The following MSRA variants were observed in gnomAD, a reference collection of about 807,000 sequenced individuals.
The protein encoded by MSRA is mitochondrial peptide methionine sulfoxide reductase.
In MSRA, 54 loss-of-function variants were observed where a neutral mutation model predicts 31.3. The observed-to-expected ratio is 1.73, with a 90% CI of 1.39 to 2.17. The LOEUF (loss-of-function observed/expected upper bound fraction) is 2.17, where lower values mean the gene tolerates loss of function less well. MSRA is among the 30% of genes most tolerant of loss of function. The probability of loss-of-function intolerance (pLI) is 0.00; values close to 1 mark genes in which losing one functional copy is unlikely to be tolerated. For synonymous variants in MSRA, 169 were observed against 116.5 expected, an observed-to-expected ratio of 1.45 and a Z score of -2.90; for missense variants, 507 against 300.9, an observed-to-expected ratio of 1.69 and a Z score of -5.07.
chr8:10,372,543 C>G (rs1413876076), intron 5 of MSRA, among the ~76,000 whole-genome samples: 5 of 152,198 alleles, frequency 3.3e-5, no homozygotes, highest in Admixed American at 1.3e-4. Flanking sequence ...TTTACAACCA[C>G]TGTGTTCCTA....
chr8:10,183,228 G>A (rs1424749488), intron 1 of MSRA, among the ~76,000 whole-genome samples: 1 of 152,118 alleles, frequency 6.6e-6, no homozygotes, highest in Non-Finnish European at 1.5e-5. Flanking sequence ...TGTCATTTTA[G>A]GCCATTGTCA....
intron 2 of MSRA, among the ~76,000 whole-genome samples, chr8:10,225,091 C>G (rs980447770): frequency 6.6e-6 from 1 of 152,142 alleles, no homozygotes; most frequent in Non-Finnish European, 1.5e-5. Context: ...GAGCCGAGAT[C>G]GCATCACTGC....
intron 1 of MSRA, among the ~76,000 whole-genome samples, chr8:10,193,783 G>A (rs1807737422): frequency 6.6e-6 from 1 of 152,126 alleles, no homozygotes; most frequent in African/African-American, 2.4e-5. Context: ...TTAGCCATGG[G>A]ACCAAGTCTG....
intron 5 of MSRA, among the ~76,000 whole-genome samples, chr8:10,344,497 C>G (rs1376557212): frequency 6.9e-6 from 1 of 144,748 alleles, no homozygotes; most frequent in Non-Finnish European, 1.5e-5. Flanking sequence ...TCGCTTGAAC[C>G]TGGGAGGCGG....
intron 5 of MSRA, among the ~76,000 whole-genome samples, chr8:10,421,639 C>T (rs151314882): frequency 5.0e-4 from 76 of 152,276 alleles, no homozygotes; most frequent in African/African-American, 1.7e-3. Flanking sequence ...CAGAAAGGCT[C>T]TTTACTGGCC....
intron 5 of MSRA, among the ~76,000 whole-genome samples, chr8:10,373,953 C>T (rs1169591884): frequency 1.3e-5 from 2 of 152,190 alleles, no homozygotes; most frequent in Non-Finnish European, 2.9e-5. Flanking sequence ...CATGAAAAGA[C>T]TGTGGGCTGG....
intron 2 of MSRA, among the ~76,000 whole-genome samples, chr8:10,225,339 G>A (rs762291602): frequency 3.9e-4 from 59 of 152,108 alleles, no homozygotes; most frequent in South Asian, 1.2e-3. Context: ...AAGGTTTATC[G>A]CCTTGCATTA....
chr8:10,405,064 G>A (rs75723403), intron 5 of MSRA, among the ~76,000 whole-genome samples: 87 of 152,240 alleles, frequency 5.7e-4, no homozygotes, highest in African/African-American at 1.4e-3. Flanking sequence ...GGTGGATGTC[G>A]GACAGGAGAG....
intron 1 of MSRA, among the ~76,000 whole-genome samples, chr8:10,181,230 C>T (rs1308937389): frequency 6.6e-6 from 1 of 152,070 alleles, no homozygotes; most frequent in Non-Finnish European, 1.5e-5. Flanking sequence ...TGGCAGGGAG[C>T]AGAAGGGGAT....
At chr8:10,193,927 A>C (rs906750260) in intron 1 of MSRA, among the ~76,000 whole-genome samples, 1 of 152,220 alleles carries the variant, frequency 6.6e-6, no homozygotes, top group Non-Finnish European at 1.5e-5. Flanking sequence ...GCTTCATAGT[A>C]AAAACTTGAT....
chr8:10,122,201 T>G (rs777327027), intron 1 of MSRA, among the ~76,000 whole-genome samples: 3 of 152,120 alleles, frequency 2.0e-5, no homozygotes, highest in Non-Finnish European at 4.4e-5. Context: ...TTGATGTACA[T>G]GTCTAGCATG....
chr8:10,175,218 C>A (rs1375309249), intron 1 of MSRA, among the ~76,000 whole-genome samples: 1 of 152,154 alleles, frequency 6.6e-6, no homozygotes, highest in Non-Finnish European at 1.5e-5. Context: ...TTCCCTGAAA[C>A]CTTCCCAGCC....
intron 5 of MSRA, among the ~76,000 whole-genome samples, chr8:10,392,220 C>A (rs959016319): frequency 1.3e-5 from 2 of 152,210 alleles, no homozygotes; most frequent in African/African-American, 4.8e-5. Context: ...GGCCAGACTC[C>A]AGTGGATGGA....
At chr8:10,087,944 C>A (rs777953011) in intron 1 of MSRA, among the ~76,000 whole-genome samples, 1 of 152,116 alleles carries the variant, frequency 6.6e-6, no homozygotes, top group Non-Finnish European at 1.5e-5. Context: ...AAAGTAATTG[C>A]GGTTTTTGCC....
At chr8:10,364,969 C>T (rs1805071460) in intron 5 of MSRA, among the ~76,000 whole-genome samples, 1 of 152,080 alleles carries the variant, frequency 6.6e-6, no homozygotes, top group Non-Finnish European at 1.5e-5. Flanking sequence ...TTAACACTGC[C>T]ATTTGCACCT....
chr8:10,352,407 A>G (rs1183792838), intron 5 of MSRA, among the ~76,000 whole-genome samples: 1 of 152,184 alleles, frequency 6.6e-6, no homozygotes, highest in Admixed American at 6.5e-5. Flanking sequence ...CTTTGGGACT[A>G]CAAGTTCAGC....
rs185524011 is a variant in MSRA at position 10,417,824 on chromosome 8, A to C, written c.544-10324A>C. On this transcript the variant is annotated intron_variant, in intron 5 of 5. Coordinates refer to ENST00000317173, the MANE Select transcript of MSRA (RefSeq NM_012331.5). ...CACACGCAGGACAAGCATAGCATGG[A>C]ATTTGATGGAGTGGATGTGGAGGGA... is the stretch of plus-strand genomic sequence containing the variant. Among the ~76,000 whole-genome samples the C allele has an allele frequency of 4.0e-3, 535 of 132,496 alleles. 3 individuals are homozygous for C. The highest frequency in any genetic ancestry group is 4.5e-3 in the Non-Finnish European group (268 of 59,274). The allele number at this position is 132,496 out of a possible 152,430, so 86.9% of individuals were successfully genotyped here.
chr8:10,314,767 G>T (rs1266656670), intron 4 of MSRA, among the ~76,000 whole-genome samples: 1 of 152,190 alleles, frequency 6.6e-6, no homozygotes, highest in Non-Finnish European at 1.5e-5. Flanking sequence ...CCATTGTGGT[G>T]CATTCATACA....
intron 1 of MSRA, among the ~76,000 whole-genome samples, chr8:10,116,595 A>G (rs1286910276): frequency 6.6e-6 from 1 of 152,208 alleles, no homozygotes. Context: ...GTGATAACAT[A>G]CATGCCATCG....
Sources: allele counts gnomAD v4.1 joint callset (sites outside exome capture counted in the v4.1 genomes callset), GRCh38; gene constraint gnomAD v4.1.1; transcripts MANE v1.5; gene names NCBI Gene and HGNC (gene_info 2026-07-23, HGNC 2026-07-21).